Variants in PAK3 observed in about 807,000 individuals in gnomAD.
PAK3 encodes serine/threonine-protein kinase PAK 3.
A neutral mutation model predicts 41.0 loss-of-function variants in PAK3; 4 were observed. The ratio of observed to expected loss-of-function variants is 0.10; its 90% CI spans 0.05 to 0.22. The LOEUF (loss-of-function observed/expected upper bound fraction) is 0.22, where lower values mean the gene tolerates loss of function less well. Ranked by LOEUF, PAK3 falls within the 10% of genes least tolerant of loss-of-function variation. PAK3 has a pLI of 1.00. For missense variants in PAK3, 205 were observed against 409.9 expected (o/e 0.50, Z 4.32); for synonymous variants, 146 against 139.6 (o/e 1.05, Z -0.32).
intron 1 of PAK3, among the ~76,000 whole-genome samples, chrX:111,065,005 T>C (rs1052198843): frequency 6.2e-5 from 7 of 112,346 alleles, no homozygotes; most frequent in Non-Finnish European, 1.3e-4. Context: ...TCCATGAAGA[T>C]AGATAGTTCA....
At chrX:110,963,565 T>C (rs2091022308) in intron 1 of PAK3, among the ~76,000 whole-genome samples, 1 of 112,736 alleles carries the variant, frequency 8.9e-6, no homozygotes, top group East Asian at 2.8e-4. Flanking sequence ...CCTATGGCCA[T>C]GGCCAGGCTT....
At chrX:111,054,490 G>T (rs972875276) in intron 1 of PAK3, among the ~76,000 whole-genome samples, 3 of 112,033 alleles carry the variant, frequency 2.7e-5, no homozygotes, top group Non-Finnish European at 3.8e-5. Context: ...TCTGTTGTAT[G>T]GCTTATAATT....
intron 1 of PAK3, among the ~76,000 whole-genome samples, chrX:111,086,027 G>C (rs761152712): frequency 7.7e-5 from 7 of 91,420 alleles, no homozygotes; most frequent in Non-Finnish European, 1.4e-4. Context: ...TGGATCATTA[G>C]CTTAAACCGT....
rs142256064 is a variant in PAK3 at position 110,971,157 on chromosome X, T to A, written c.-28+26529T>A. ...ACAAGATTAAAGACTTTGAGTATATTCACAGAATTTTGCATTCATCACCAG... is the reference window on the plus strand; with the variant it reads ...ACAAGATTAAAGACTTTGAGTATATACACAGAATTTTGCATTCATCACCAG... On this transcript the variant is annotated intron_variant, in intron 1 of 14. Coordinates refer to the PAK3 transcript ENST00000425146. Among the ~76,000 whole-genome samples the A allele has an allele frequency of 2.1e-3, 234 of 112,228 alleles. 2 individuals carry two copies. Among genetic ancestry groups the A allele is most frequent in the African/African-American group, 7.0e-3 (215 of 30,901 alleles).
Position 111,220,945 on chromosome X carries a change from C to CAAAAAAAAAAAAAAAAAAA in PAK3, c.*515_*516insAAAAAAAAAAAAAAAAAAA. ...AAAAAAGAAAGCAAAAAAAGCAAGGCAAAAAAAAAAAAAAAAACAAACAAA... is the reference window on the plus strand; with the variant it reads ...AAAAAAGAAAGCAAAAAAAGCAAGGCAAAAAAAAAAAAAAAAAAAAAAAAAAAAAAAAAAAACAAACAAA... On this transcript the variant is annotated 3_prime_UTR_variant, in exon 18 of 18. Coordinates refer to ENST00000372007, the MANE Select transcript of PAK3 (RefSeq NM_002578.5). The CAAAAAAAAAAAAAAAAAAA allele has an allele frequency of 1.0e-4, 5 of 49,416 alleles. No homozygotes were observed. The highest frequency in any genetic ancestry group is 3.4e-4 in the African/African-American group (4 of 11,735). The allele number at this position is 49,416 out of a possible 1,213,427, so 4.1% of individuals were successfully genotyped here.
intron 1 of PAK3, among the ~76,000 whole-genome samples, chrX:110,987,813 AAAG>A (rs1299442075): frequency 1.8e-5 from 2 of 111,509 alleles, no homozygotes; most frequent in African/African-American, 6.5e-5. Flanking sequence ...GGAGCTGCAG[AAAG>A]AAGAATTGTT....
At chrX:111,212,546 G>A (rs2094833390) in intron 16 of PAK3, among the ~76,000 whole-genome samples, 1 of 111,851 alleles carries the variant, frequency 8.9e-6, no homozygotes, top group South Asian at 3.7e-4. Flanking sequence ...ACAAAAGCCA[G>A]TTTAGCCCAT....
At chrX:111,118,225 C>T (rs2093501231) in intron 4 of PAK3, among the ~76,000 whole-genome samples, 2 of 111,531 alleles carry the variant, frequency 1.8e-5, no homozygotes, top group Admixed American at 1.9e-4. Flanking sequence ...CATTATCAGT[C>T]ATAAGTGAGG....
rs765632166 is a variant in PAK3, at chrX:111,119,570, G to A, written c.-27-3507G>A. Among the ~76,000 whole-genome samples, 4 of 111,594 alleles carry A rather than the reference G, an allele frequency of 3.6e-5. No individual in the cohort carries two copies. The East Asian group carries it at 8.4e-4, about 23-fold the overall frequency. ...AATTCTTGAAATAGAGCCTACAGCC[G>A]CCCAAAATAAAATAGTCTCTTTCAA... On this transcript the variant is annotated intron_variant, in intron 4 of 17. Coordinates refer to ENST00000372007, the MANE Select transcript of PAK3 (RefSeq NM_002578.5).
intron 1 of PAK3, among the ~76,000 whole-genome samples, chrX:111,028,001 G>GTGTGTGTATATATATACATACATA (rs780630460): frequency 2.1e-5 from 2 of 96,199 alleles, no homozygotes; most frequent in Non-Finnish European, 4.1e-5. Context: ...ATATGTGTGT[G>GTGTGTGTATATATATACATACATA]TGTGTATATA....
At chrX:111,064,610 T>C (rs1003363762) in intron 1 of PAK3, among the ~76,000 whole-genome samples, 2 of 112,343 alleles carry the variant, frequency 1.8e-5, no homozygotes, top group Non-Finnish European at 3.8e-5. Context: ...TCCATGTTGC[T>C]GCAAAGGACA....
intron 4 of PAK3, among the ~76,000 whole-genome samples, chrX:111,108,886 G>C (rs1019859404): frequency 8.9e-6 from 1 of 112,173 alleles, no homozygotes; most frequent in Non-Finnish European, 1.9e-5. Context: ...GAAGCACTGA[G>C]AAAACCCATT....
At chrX:111,152,226 T>G (rs2094038919) in intron 7 of PAK3, among the ~76,000 whole-genome samples, 184 bp from the exon 8 acceptor site, 1 of 112,182 alleles carries the variant, frequency 8.9e-6, no homozygotes, top group Admixed American at 9.5e-5. Flanking sequence ...ATGGTGAGGA[T>G]GTAATGGTGT....
chrX:111,217,806 C>A, intron 17 of PAK3: 1 of 119,297 alleles, frequency 8.4e-6, no homozygotes, highest in Non-Finnish European at 1.7e-5. Context: ...ACCCCTCCCA[C>A]CACTCCACAT....
chrX:111,202,763 T>G (rs2094698206), intron 16 of PAK3, among the ~76,000 whole-genome samples: 1 of 111,848 alleles, frequency 8.9e-6, no homozygotes, highest in Admixed American at 9.5e-5. Context: ...TGATGGAATT[T>G]GTTATTTGTG....
chrX:110,971,843 T>G (rs1392805465), intron 1 of PAK3, among the ~76,000 whole-genome samples: 3 of 112,133 alleles, frequency 2.7e-5, no homozygotes, highest in Non-Finnish European at 5.6e-5. Context: ...CATTTTGGGT[T>G]AATTTTTATA....
intron 1 of PAK3, among the ~76,000 whole-genome samples, chrX:111,088,528 G>A (rs754335615): frequency 6.3e-5 from 7 of 111,934 alleles, no homozygotes; most frequent in African/African-American, 2.3e-4. Flanking sequence ...ACCCATTTTA[G>A]TCACACTGTG....
At chrX:111,047,438 C>A (rs2092510910) in intron 1 of PAK3, among the ~76,000 whole-genome samples, 1 of 109,089 alleles carries the variant, frequency 9.2e-6, no homozygotes, top group Non-Finnish European at 1.9e-5. Context: ...TTAAGAATTG[C>A]AAAGTGCTGT....
At chrX:110,964,793 T>G (rs774122671) in intron 1 of PAK3, among the ~76,000 whole-genome samples, 9 of 111,653 alleles carry the variant, frequency 8.1e-5, no homozygotes, top group Admixed American at 3.8e-4. Context: ...GGTGGCCCAT[T>G]TGGTGTTCTA....
Sources: allele counts gnomAD v4.1 joint callset (sites outside exome capture counted in the v4.1 genomes callset), GRCh38; gene constraint gnomAD v4.1.1; transcripts MANE v1.5; gene names NCBI Gene and HGNC (gene_info 2026-07-23, HGNC 2026-07-21).